Variants in DCC observed in about 807,000 individuals in gnomAD.
DCC encodes netrin receptor DCC.
Under a neutral mutation model 172.5 loss-of-function variants are expected in DCC, and 58 were observed. The observed-to-expected ratio is 0.34, with a 90% confidence interval of 0.27 to 0.42. The LOEUF (loss-of-function observed/expected upper bound fraction) is 0.42. Ranked by LOEUF, DCC falls within the 10% of genes least tolerant of loss-of-function variation. The pLI is 1.00. For synonymous variants in DCC, 709 were observed against 644.5 expected (o/e 1.10, Z -1.52); for missense variants, 1,740 against 1,791.0 (o/e 0.97, Z 0.51).
At chr18:52,749,705 G>T (rs1301472741) in intron 1 of DCC, among the ~76,000 whole-genome samples, 3 of 152,158 alleles carry the variant, frequency 2.0e-5, no homozygotes, top group Non-Finnish European at 4.4e-5. Flanking sequence ...ATTTATGTGT[G>T]ATAATGGGCA....
intron 1 of DCC, among the ~76,000 whole-genome samples, chr18:52,468,721 G>A (rs948285011): frequency 3.3e-5 from 5 of 152,154 alleles, no homozygotes; most frequent in Admixed American, 1.3e-4. Flanking sequence ...CTCAGAGGAC[G>A]AATAATGTCC....
intron 12 of DCC, among the ~76,000 whole-genome samples, chr18:53,249,330 G>C (rs2056401019): frequency 6.6e-6 from 1 of 151,870 alleles, no homozygotes; most frequent in African/African-American, 2.4e-5. Context: ...ACCCCAAAGT[G>C]ACCTAGGTGG....
intron 28 of DCC, chr18:53,530,346 G>A: frequency 2.8e-6 from 2 of 703,202 alleles, no homozygotes; most frequent in Non-Finnish European, 5.2e-6. Context: ...CCTTGTCACA[G>A]GTGGAGATGG....
intron 9 of DCC, among the ~76,000 whole-genome samples, chr18:53,193,494 T>A (rs1165053275): frequency 6.6e-6 from 1 of 150,570 alleles, no homozygotes; most frequent in Non-Finnish European, 1.5e-5. Context: ...CATTTTTTTT[T>A]AAATAAGGAA....
At chr18:53,352,342 C>T (rs2144907506) in intron 15 of DCC, among the ~76,000 whole-genome samples, 1 of 152,208 alleles carries the variant, frequency 6.6e-6, no homozygotes, top group Non-Finnish European at 1.5e-5. Context: ...TGTATCTGGG[C>T]ATTTTCCTTT....
At chr18:53,114,372 T>G (rs982955188) in intron 7 of DCC, among the ~76,000 whole-genome samples, 2 of 151,552 alleles carry the variant, frequency 1.3e-5, no homozygotes. Flanking sequence ...GCCTGCCAAG[T>G]GCATAATGCA....
chr18:52,550,931 CTATTTTTAAAAGTT>C (rs1260892674), intron 1 of DCC, among the ~76,000 whole-genome samples: 1 of 151,652 alleles, frequency 6.6e-6, no homozygotes, highest in Non-Finnish European at 1.5e-5. Context: ...TATTATTTTA[CTATTTTTAAAAGTT>C]TATTTTTAAA....
intron 24 of DCC, among the ~76,000 whole-genome samples, chr18:53,466,725 C>T (rs889062433): frequency 2.0e-5 from 3 of 152,124 alleles, no homozygotes; most frequent in South Asian, 4.1e-4. Context: ...GGAGTTTCAC[C>T]ATTTTGGCCA....
intron 2 of DCC, among the ~76,000 whole-genome samples, chr18:52,868,014 T>C (rs1229823338): frequency 6.7e-6 from 1 of 150,086 alleles, no homozygotes; most frequent in East Asian, 2.0e-4. Flanking sequence ...TGAATGAGAT[T>C]GCTAATATGT....
intron 12 of DCC, among the ~76,000 whole-genome samples, chr18:53,245,649 C>T (rs1258610037): frequency 1.3e-5 from 2 of 152,002 alleles, no homozygotes; most frequent in Non-Finnish European, 2.9e-5. Context: ...TATTTTTAGG[C>T]ATGGAGTCAG....
rs576305409 is a variant in DCC, at chr18:53,264,832, C to T, written c.1912-40746C>T. Among the ~76,000 whole-genome samples, 4 of 152,034 alleles carry T rather than the reference C, an allele frequency of 2.6e-5. No homozygotes were observed. The East Asian group carries it at 5.8e-4, about 22-fold the overall frequency. On this transcript the variant is annotated intron_variant, in intron 12 of 28. Coordinates refer to ENST00000442544, the MANE Select transcript of DCC (RefSeq NM_005215.4). ...CAATATGCCATAAAGTCAAGCAGTG[C>T]GGTAGAAGCATCTTCACATCCTGAA...
At chr18:53,153,875 C>T (rs546874917) in intron 7 of DCC, among the ~76,000 whole-genome samples, 1 of 152,128 alleles carries the variant, frequency 6.6e-6, no homozygotes, top group Non-Finnish European at 1.5e-5. Flanking sequence ...CAAGGAGCTT[C>T]CACATAAGCA....
intron 1 of DCC, among the ~76,000 whole-genome samples, chr18:52,423,906 T>C (rs1485206322): frequency 6.6e-6 from 1 of 152,148 alleles, no homozygotes; most frequent in Non-Finnish European, 1.5e-5. Context: ...ATGCTGTGTG[T>C]GAATGGCAGG....
chr18:52,973,875 T>G (rs959939789), intron 5 of DCC, among the ~76,000 whole-genome samples: 3 of 152,218 alleles, frequency 2.0e-5, no homozygotes, highest in African/African-American at 7.2e-5. Context: ...TAAAACTGAA[T>G]GTTTTACAAT....
At chr18:52,590,977 C>T (rs1204522012) in intron 1 of DCC, among the ~76,000 whole-genome samples, 1 of 152,202 alleles carries the variant, frequency 6.6e-6, no homozygotes, top group Admixed American at 6.5e-5. Flanking sequence ...AAAATCAATA[C>T]TGAATGCAAT....
intron 1 of DCC, among the ~76,000 whole-genome samples, chr18:52,383,221 C>A (rs1186424532): frequency 1.3e-5 from 2 of 152,078 alleles, no homozygotes. Flanking sequence ...TCCAGAAATG[C>A]AGTACCAATG....
At chr18:53,425,910 T>C (rs185356316) in intron 21 of DCC, among the ~76,000 whole-genome samples, 1 of 152,268 alleles carries the variant, frequency 6.6e-6, no homozygotes, top group Admixed American at 6.5e-5. Context: ...CTTTCTAAAA[T>C]ATATGTGTAA....
chr18:52,861,899 G>A (rs1175504210), intron 2 of DCC, among the ~76,000 whole-genome samples: 3 of 152,082 alleles, frequency 2.0e-5, no homozygotes, highest in Admixed American at 6.5e-5. Flanking sequence ...GTAGCTGATT[G>A]TAAATGGAAT....
chr18:52,806,523 GA>G (rs1208737633), intron 2 of DCC, among the ~76,000 whole-genome samples: 1 of 152,224 alleles, frequency 6.6e-6, no homozygotes, highest in Non-Finnish European at 1.5e-5. Context: ...TGATGGCCAT[GA>G]AATTGAGAAG....
Sources: gnomAD v4.1 joint callset for allele counts (sites outside exome capture counted in the v4.1 genomes callset) on GRCh38, gnomAD v4.1.1 for gene constraint, MANE v1.5 for transcripts, NCBI Gene and HGNC (gene_info 2026-07-23, HGNC 2026-07-21) for gene names.